FAT4: variants seen among roughly 807,000 people sequenced by gnomAD.
The protein encoded by FAT4 is protocadherin Fat 4.
FAT4 carries 84 observed loss-of-function variants against 303.9 expected under a neutral mutation model. The observed-to-expected ratio is 0.28, with a 90% CI of 0.23 to 0.33. The LOEUF (loss-of-function observed/expected upper bound fraction) is 0.33, where lower values mean the gene tolerates loss of function less well. FAT4 is among the 10% of genes least tolerant of loss of function. FAT4 has a pLI of 1.00. For missense variants in FAT4, 6,005 were observed against 6,146.8 expected, an observed-to-expected ratio of 0.98 and a Z score of 0.77; for synonymous variants, 2,307 against 2,298.8, an observed-to-expected ratio of 1.00 and a Z score of -0.10.
At chr4:125,370,710 T>A (rs1442925795) in intron 2 of FAT4, among the ~76,000 whole-genome samples, 2 of 152,174 alleles carry the variant, frequency 1.3e-5, no homozygotes, top group African/African-American at 4.8e-5. Context: ...ACTGGTGATA[T>A]GGGGTGCAGG....
intron 8 of FAT4, 48 bp from the exon 9 acceptor site, chr4:125,446,245 C>T (rs1178015594): frequency 1.8e-5 from 26 of 1,482,836 alleles, no homozygotes; most frequent in South Asian, 1.2e-4. Flanking sequence ...ATAGAAGTTA[C>T]GATATTAAAA....
chr4:125,428,109 C>T (rs1725152688), intron 7 of FAT4, among the ~76,000 whole-genome samples: 1 of 151,940 alleles, frequency 6.6e-6, no homozygotes, highest in African/African-American at 2.4e-5. Flanking sequence ...ACTAGCCTGA[C>T]CGACAAGGTG....
At position 125,317,932 on chromosome 4, in the gene FAT4, T is replaced by C. The variant is rs1730707626; in HGVS notation, c.1521T>C (p.Asn507=). The change falls in exon 2 of 18, where the codon AAT becomes AAC. Residue 507 remains asparagine, a synonymous_variant. Coordinates refer to ENST00000394329, the MANE Select transcript of FAT4 (RefSeq NM_001291303.3). The surrounding 1 kb of genome is among the most constrained non-coding windows in gnomAD (Gnocchi z 7.0). ...CCACTGATGGCGACTCTGGTCTCAATGCTAATCTGCGTTACAGCATTGTCT... is the reference window on the plus strand; with the variant it reads ...CCACTGATGGCGACTCTGGTCTCAACGCTAATCTGCGTTACAGCATTGTCT... ...ISATDGDSGL[N]ANLRYSIVSG... The C allele has an allele frequency of 1.4e-5, 22 of 1,614,150 alleles. No individual in the cohort carries two copies. Among genetic ancestry groups the C allele is most frequent in the Non-Finnish European group, 1.9e-5 (22 of 1,180,028 alleles).
intron 11 of FAT4, among the ~76,000 whole-genome samples, chr4:125,466,924 G>A (rs1726683462): frequency 2.0e-5 from 3 of 151,804 alleles, no homozygotes; most frequent in Admixed American, 6.6e-5. Context: ...GCAGGTGCCT[G>A]CCACCATGCC....
intron 2 of FAT4, among the ~76,000 whole-genome samples, chr4:125,347,301 TAA>T (rs1732042262): frequency 6.6e-6 from 1 of 151,094 alleles, no homozygotes; most frequent in Non-Finnish European, 1.5e-5. Flanking sequence ...CACATGTAGA[TAA>T]AAAGACCAAT....
At position 125,414,042 on chromosome 4, in the gene FAT4, G is replaced by A. The variant is rs185582831; in HGVS notation, c.5921-842G>A. On this transcript the variant is annotated intron_variant, in intron 5 of 17. Transcript: ENST00000394329. The stretch of plus-strand genomic sequence containing the variant: ...GATATAAAAATGCACATCGTTACAG[G>A]CCAGAGAAGAAAACATCACTCTGAG... 7.2e-5 allele frequency among the ~76,000 whole-genome samples: 11 copies of A among 151,998 alleles called. No individual in the cohort carries two copies. The East Asian group carries it at 1.4e-3, about 19-fold the overall frequency.
intron 2 of FAT4, chr4:125,393,789 C>A (rs1193348774): frequency 4.2e-6 from 2 of 471,208 alleles, no homozygotes; most frequent in Non-Finnish European, 7.7e-6. Context: ...TACCAAAAGA[C>A]AGATCATTTG....
At chr4:125,394,871 G>T (rs371828777) in intron 2 of FAT4, among the ~76,000 whole-genome samples, 1 of 152,148 alleles carries the variant, frequency 6.6e-6, no homozygotes, top group Non-Finnish European at 1.5e-5. Flanking sequence ...GACTGCTTCT[G>T]TTTGTAAATA....
intron 5 of FAT4, among the ~76,000 whole-genome samples, chr4:125,411,669 A>ATTT (rs1734847167): frequency 6.7e-6 from 1 of 150,176 alleles, no homozygotes; most frequent in Non-Finnish European, 1.5e-5. Flanking sequence ...TTGTGAGTAA[A>ATTT]TATACATATT....
chr4:125,317,848 G>A lies in FAT4; in HGVS notation c.1437G>A (p.Val479=). ...NDHPPVFSQQ[V]YRVNLSEEAP... The stretch of plus-strand genomic sequence containing the variant: ...ATCCTCCTGTCTTTTCACAGCAAGT[G>A]TACAGAGTGAACCTGAGCGAGGAGG... Residue 479 remains valine, a synonymous_variant, in exon 2 of 18, where the codon GTG becomes GTA. Transcript: ENST00000394329. This position sits in a 1 kb window ranked among gnomAD's most constrained non-coding sequence, Gnocchi z 7.0. 6.2e-7 allele frequency: 1 copy of A among 1,614,176 alleles called. No individual in the cohort carries two copies. The highest frequency in any genetic ancestry group is 1.1e-5 in the South Asian group (1 of 91,084).
At chr4:125,372,125 T>G (rs1578569819) in intron 2 of FAT4, among the ~76,000 whole-genome samples, 1 of 151,674 alleles carries the variant, frequency 6.6e-6, no homozygotes, top group Admixed American at 6.6e-5. Flanking sequence ...GGTGGGAGGG[T>G]TGCATGTGCT....
chr4:125,395,894 C>T (rs1279538641), intron 2 of FAT4, among the ~76,000 whole-genome samples: 1 of 152,084 alleles, frequency 6.6e-6, no homozygotes, highest in Non-Finnish European at 1.5e-5. Context: ...ACCAAAATCT[C>T]ACAGAGCATA....
rs1388109605 is a variant in FAT4, at chr4:125,406,907, A to G, written c.5335A>G (p.Ile1779Val). Residue 1779 changes from isoleucine to valine, a missense_variant, in exon 4 of 18, where the codon ATC becomes GTC. Transcript: ENST00000394329. Reference sequence around the variant, plus strand: ...TGCAAATGCTCTCGTCACATACACTATCATTAGTGGAGCTGATGATAGTTT... The same window carrying G: ...TGCAAATGCTCTCGTCACATACACTGTCATTAGTGGAGCTGATGATAGTTT... ...EGANALVTYT[I>V]ISGADDSFRI... 6.8e-6 allele frequency: 11 copies of G among 1,613,800 alleles called. No homozygotes were observed. The highest frequency in any genetic ancestry group is 9.3e-6 in the Non-Finnish European group (11 of 1,179,810).
In FAT4 at chr4:125,491,018, A is replaced by G. The variant is rs1177710781; in HGVS notation, c.14202A>G (p.Glu4734=). ...CTATAAGGGATGGTAATACTTTGGA[A>G]ATGCATGGTGACACCTGCCAACCTG... ...HLPIRDGNTL[E]MHGDTCQPGI... The change falls in exon 18 of 18, where the codon GAA becomes GAG. Residue 4734 remains glutamate, a synonymous_variant. Coordinates refer to ENST00000394329, the MANE Select transcript of FAT4 (RefSeq NM_001291303.3). The G allele has an allele frequency of 3.1e-6, 5 of 1,614,100 alleles. No individual in the cohort carries two copies. Among genetic ancestry groups the G allele is most frequent in the Non-Finnish European group, 4.2e-6 (5 of 1,180,030 alleles).
intron 12 of FAT4, among the ~76,000 whole-genome samples, chr4:125,470,075 T>C (rs1236982530): frequency 5.9e-5 from 9 of 152,218 alleles, no homozygotes; most frequent in African/African-American, 1.9e-4. Context: ...AATCTCCTTA[T>C]ACATCATTGT....
At chr4:125,341,234 T>A (rs957892756) in intron 2 of FAT4, among the ~76,000 whole-genome samples, 1 of 152,300 alleles carries the variant, frequency 6.6e-6, no homozygotes, top group East Asian at 1.9e-4. Context: ...AAGGAATGGC[T>A]CTATGAGCTA....
At position 125,316,704 on chromosome 4, in the gene FAT4, G is replaced by A; in HGVS notation, c.293G>A (p.Arg98His). ...CTGTACACCACCTCCACCATCGACC[G>A]CGAGAGCCTGCCCAGCGACGTGATC... is the stretch of plus-strand genomic sequence containing the variant. Reference protein sequence around the residue: ...GALYTTSTIDRESLPSDVINL... With the variant: ...GALYTTSTIDHESLPSDVINL... Residue 98 changes from arginine (R) to histidine (H), a missense_variant, in exon 2 of 18, where the codon CGC (arginine) becomes CAC (histidine). Physicochemically the swap from Arg to His is conservative, Grantham distance 29. Coordinates refer to ENST00000394329, the MANE Select transcript of FAT4 (RefSeq NM_001291303.3). The surrounding 1 kb of genome is among the most constrained non-coding windows in gnomAD (Gnocchi z 5.7). The A allele has an allele frequency of 6.2e-7, 1 of 1,613,648 alleles. No homozygotes were observed. Among genetic ancestry groups the A allele is most frequent in the Non-Finnish European group, 8.5e-7 (1 of 1,180,014 alleles).
intron 10 of FAT4, among the ~76,000 whole-genome samples, chr4:125,457,152 CA>C (rs11320797): frequency 0.19 from 25,682 of 136,534 alleles, 3,419 homozygotes; most frequent in African/African-American, 0.42. Flanking sequence ...CACACACACA[CA>C]CACCACTGAG....
intron 7 of FAT4, among the ~76,000 whole-genome samples, chr4:125,431,244 G>A (rs1354664779): frequency 6.6e-6 from 1 of 152,180 alleles, no homozygotes; most frequent in Non-Finnish European, 1.5e-5. Flanking sequence ...AGCACAATGT[G>A]TATATCAGAA....
Sources: gnomAD v4.1 joint callset for allele counts (sites outside exome capture counted in the v4.1 genomes callset) on GRCh38, gnomAD v4.1.1 for gene constraint, Gnocchi (gnomAD v3.1) non-coding constraint, MANE v1.5 for transcripts, NCBI Gene and HGNC (gene_info 2026-07-23, HGNC 2026-07-21) for gene names.